The following CCDC88A variants were observed in gnomAD, a reference collection of about 807,000 sequenced individuals.
CCDC88A encodes coiled-coil and HOOK domain protein 88A.
CCDC88A carries 54 observed loss-of-function variants against 234.3 expected under a neutral mutation model. That is an observed-to-expected ratio of 0.23 (90% CI 0.19 to 0.29). The LOEUF (loss-of-function observed/expected upper bound fraction) is 0.29. Among genes scored for constraint, CCDC88A ranks in the 10% least tolerant of loss-of-function variants. CCDC88A has a pLI of 1.00. For missense variants in CCDC88A, 1,832 were observed against 2,123.4 expected (o/e 0.86, Z 2.70); for synonymous variants, 753 against 737.8 (o/e 1.02, Z -0.33).
At chr2:55,380,756 C>CAGT (rs1674456762) in intron 3 of CCDC88A, among the ~76,000 whole-genome samples, 1 of 152,140 alleles carries the variant, frequency 6.6e-6, no homozygotes, top group South Asian at 2.1e-4. Flanking sequence ...GCTGAAACTA[C>CAGT]AGGTGCATGC....
intron 3 of CCDC88A, among the ~76,000 whole-genome samples, chr2:55,380,683 T>C (rs946781517): frequency 6.6e-6 from 1 of 152,196 alleles, no homozygotes; most frequent in Non-Finnish European, 1.5e-5. Flanking sequence ...CAGCATGATC[T>C]CGACTCATTG....
At chr2:55,384,523 A>ACATATGTG (rs1553428192) in intron 3 of CCDC88A, among the ~76,000 whole-genome samples, 1 of 3,332 alleles carries the variant, frequency 3.0e-4, no homozygotes, top group Non-Finnish European at 7.2e-4. Context: ...TATAAATTAT[A>ACATATGTG]TATATATACA....
In CCDC88A at chr2:55,419,534, CCT is replaced by C; in HGVS notation, c.-457_-456del. ...GATACCGAGGCGCCACCAGACTCGA[CCT>C]CGGCGTTCCGACCTCTACACGTTCC... is the stretch of plus-strand genomic sequence containing the variant. On this transcript the variant is annotated 5_prime_UTR_variant, in exon 1 of 33. Transcript: ENST00000436346. 7.0e-6 allele frequency: 1 copy of C among 142,978 alleles called. No homozygotes were observed. Among genetic ancestry groups the C allele is most frequent in the Non-Finnish European group, 1.5e-5 (1 of 64,578 alleles). The allele number at this position is 142,978 out of a possible 1,614,324, so 8.9% of individuals were successfully genotyped here.
intron 2 of CCDC88A, among the ~76,000 whole-genome samples, chr2:55,413,691 C>T (rs989312766): frequency 3.3e-5 from 5 of 152,134 alleles, no homozygotes; most frequent in Non-Finnish European, 7.4e-5. Flanking sequence ...AGCAAAGAGT[C>T]AGGCTGGTTT....
intron 9 of CCDC88A, among the ~76,000 whole-genome samples, chr2:55,347,545 T>C (rs1430922254): frequency 1.3e-5 from 2 of 151,746 alleles, no homozygotes; most frequent in Non-Finnish European, 2.9e-5. Context: ...CTTTTAATTA[T>C]TCTTTGTTTT....
chr2:55,358,350 T>C (rs1255032327), intron 7 of CCDC88A, among the ~76,000 whole-genome samples: 1 of 152,196 alleles, frequency 6.6e-6, no homozygotes, highest in Non-Finnish European at 1.5e-5. Context: ...CTATCGCTGT[T>C]ATCCTCCTGG....
intron 3 of CCDC88A, among the ~76,000 whole-genome samples, chr2:55,386,973 G>C (rs1308873869): frequency 1.3e-5 from 2 of 150,206 alleles, no homozygotes; most frequent in Non-Finnish European, 3.0e-5. Flanking sequence ...TCAGGAGTTC[G>C]AGACCAGCCT....
chr2:55,377,822 GGTCT>G (rs1673940089), intron 3 of CCDC88A, among the ~76,000 whole-genome samples: 1 of 135,024 alleles, frequency 7.4e-6, no homozygotes, highest in South Asian at 2.3e-4. Context: ...TGGTCAGGCT[GGTCT>G]CTAACTCCTG....
At chr2:55,333,888 C>T (rs1008834177) in intron 15 of CCDC88A, among the ~76,000 whole-genome samples, 2 of 151,932 alleles carry the variant, frequency 1.3e-5, no homozygotes, top group African/African-American at 4.8e-5. Flanking sequence ...TTTATTACTA[C>T]AAATTCTTTT....
intron 18 of CCDC88A, among the ~76,000 whole-genome samples, chr2:55,319,725 T>C (rs1256595748): frequency 6.6e-6 from 1 of 152,158 alleles, no homozygotes; most frequent in Non-Finnish European, 1.5e-5. Flanking sequence ...TGAATTACTA[T>C]GTGAATCAAT....
intron 7 of CCDC88A, chr2:55,356,928 A>T (rs1316445501): frequency 6.6e-6 from 1 of 152,222 alleles, no homozygotes; most frequent in Non-Finnish European, 1.5e-5. Context: ...ATAAAATAAA[A>T]TTCAGTTCCT....
intron 2 of CCDC88A, among the ~76,000 whole-genome samples, chr2:55,413,574 A>T (rs1680853059): frequency 6.6e-6 from 1 of 152,224 alleles, no homozygotes; most frequent in African/African-American, 2.4e-5. Context: ...ATCATTCAAC[A>T]GAAATATATC....
Position 55,419,280 on chromosome 2 carries a change from G to A in CCDC88A, c.-201C>T. 1 of 552,886 alleles carries A rather than the reference G, an allele frequency of 1.8e-6. No individual in the cohort carries two copies. The highest frequency in any genetic ancestry group is 3.2e-6 in the Non-Finnish European group (1 of 309,490). 34.2% of individuals were successfully genotyped at this position (552,886 alleles called of 1,614,324 possible). ...AGCCGAAATCCCAAGAAGTGGCTTCGACGACGGACACCACGAGCAGCAGCC... is the reference window on the plus strand; with the variant it reads ...AGCCGAAATCCCAAGAAGTGGCTTCAACGACGGACACCACGAGCAGCAGCC... On this transcript the variant is annotated 5_prime_UTR_variant, in exon 1 of 33. Coordinates refer to ENST00000436346, the MANE Select transcript of CCDC88A (RefSeq NM_001365480.1).
In CCDC88A at chr2:55,289,162, T is replaced by C. The variant is rs922016456; in HGVS notation, c.*2038A>G. On this transcript the variant is annotated 3_prime_UTR_variant, in exon 33 of 33. Coordinates refer to ENST00000436346, the MANE Select transcript of CCDC88A (RefSeq NM_001365480.1). Reference sequence around the variant, plus strand: ...CCAGCATGTTCTGTATTTTAGGATATTAGTGTTCTGGAGAGGTCAAGCTGT... The same window carrying C: ...CCAGCATGTTCTGTATTTTAGGATACTAGTGTTCTGGAGAGGTCAAGCTGT... The C allele has an allele frequency of 4.6e-5, 7 of 152,594 alleles. No homozygotes were observed. Among genetic ancestry groups the C allele is most frequent in the African/African-American group, 1.7e-4 (7 of 41,448 alleles). 9.5% of individuals were successfully genotyped at this position (152,594 alleles called of 1,614,324 possible).
intron 3 of CCDC88A, among the ~76,000 whole-genome samples, chr2:55,385,223 G>A (rs1157953164): frequency 4.6e-5 from 7 of 152,052 alleles, no homozygotes; most frequent in African/African-American, 9.7e-5. Flanking sequence ...TGAATAATCA[G>A]ATATGAAATC....
intron 8 of CCDC88A, 168 bp downstream of exon 8, chr2:55,355,411 C>A (rs1670436511): frequency 3.3e-6 from 2 of 604,492 alleles, no homozygotes; most frequent in Non-Finnish European, 5.8e-6. Flanking sequence ...ATCCTTTAAA[C>A]TGTTAAGATT....
At chr2:55,320,949 A>T (rs1245346652) in intron 18 of CCDC88A, 1 of 152,032 alleles carries the variant, frequency 6.6e-6, no homozygotes, top group Non-Finnish European at 1.5e-5. Flanking sequence ...ATCTCTACAA[A>T]AAATACAAAA....
In CCDC88A at chr2:55,332,352, C is replaced by T; in HGVS notation, c.2855+214G>A. 1.8e-6 allele frequency: 1 copy of T among 566,098 alleles called. No individual in the cohort carries two copies. Among genetic ancestry groups the T allele is most frequent in the Non-Finnish European group, 2.4e-6 (1 of 412,574 alleles). The allele number at this position is 566,098 out of a possible 1,614,324, so 35.1% of individuals were successfully genotyped here. ...GGTCAGGCTGATCTCGAACTCCCGACCTCAGGTGATCCGCCCGCTTCAGCC... is the reference window on the plus strand; with the variant it reads ...GGTCAGGCTGATCTCGAACTCCCGATCTCAGGTGATCCGCCCGCTTCAGCC... On this transcript the variant is annotated intron_variant, in intron 16 of 32. Transcript: ENST00000436346. The surrounding 1 kb of genome is among the most constrained non-coding windows in gnomAD (Gnocchi z 4.5).
chr2:55,405,730 G>A (rs1252973384), intron 2 of CCDC88A: 1 of 152,156 alleles, frequency 6.6e-6, no homozygotes, highest in East Asian at 1.9e-4. Flanking sequence ...GCCATACAAG[G>A]GATCTAAGTT....
Sources: gnomAD v4.1 joint callset for allele counts (sites outside exome capture counted in the v4.1 genomes callset) on GRCh38, gnomAD v4.1.1 for gene constraint, Gnocchi (gnomAD v3.1) non-coding constraint, MANE v1.5 for transcripts, NCBI Gene and HGNC (gene_info 2026-07-23, HGNC 2026-07-21) for gene names.